Variants in CCNY observed in about 807,000 individuals in gnomAD.
The protein encoded by CCNY is cyclin-Y.
A neutral mutation model predicts 42.8 loss-of-function variants in CCNY; 19 were observed. The ratio of observed to expected loss-of-function variants is 0.44; its 90% CI spans 0.31 to 0.65. The LOEUF is 0.65. Ranked by LOEUF, CCNY falls within the 30% of genes least tolerant of loss-of-function variation. The pLI is 0.07. For synonymous variants in CCNY, 165 were observed against 162.7 expected (o/e 1.01, Z -0.11); for missense variants, 370 against 437.3 (o/e 0.85, Z 1.37).
intron 1 of CCNY, among the ~76,000 whole-genome samples, chr10:35,479,997 T>G (rs1028686293): frequency 6.6e-6 from 1 of 151,952 alleles, no homozygotes; most frequent in South Asian, 2.1e-4. Flanking sequence ...TTTTCCCCTT[T>G]TTTTTTTTGT....
At chr10:35,552,982 C>T (rs1179213389) in intron 7 of CCNY, 37 bp from the exon 8 acceptor site, 1 of 1,595,316 alleles carries the variant, frequency 6.3e-7, no homozygotes, top group Admixed American at 1.7e-5. Context: ...TAGGAGAAAA[C>T]AAATCACTTA....
intron 1 of CCNY, among the ~76,000 whole-genome samples, chr10:35,408,027 G>A (rs983021162): frequency 6.6e-6 from 1 of 152,188 alleles, no homozygotes; most frequent in Non-Finnish European, 1.5e-5. Flanking sequence ...GTCTCCACCA[G>A]AAAATGAAAG....
intron 3 of CCNY, among the ~76,000 whole-genome samples, chr10:35,309,926 G>A (rs1031663227): frequency 5.3e-5 from 8 of 151,548 alleles, no homozygotes; most frequent in East Asian, 1.9e-4. Flanking sequence ...TCAGCCTTCC[G>A]AGTAGCTGGG....
intron 1 of CCNY, among the ~76,000 whole-genome samples, chr10:35,358,705 G>C (rs1409364113): frequency 6.6e-6 from 1 of 152,214 alleles, no homozygotes; most frequent in Non-Finnish European, 1.5e-5. Context: ...GAGAAAAGAA[G>C]AAGAAGGCAA....
intron 7 of CCNY, among the ~76,000 whole-genome samples, chr10:35,541,112 G>A (rs988816700): frequency 6.8e-6 from 1 of 147,670 alleles, no homozygotes; most frequent in African/African-American, 2.4e-5. Flanking sequence ...ATTGATTTGA[G>A]ATTTTTTTTT....
intron 3 of CCNY, among the ~76,000 whole-genome samples, chr10:35,275,094 C>T (rs921387581): frequency 4.3e-5 from 5 of 116,702 alleles, no homozygotes; most frequent in East Asian, 2.7e-4. Context: ...GATGGAGTCT[C>T]GCTCTGTCAC....
At chr10:35,291,461 T>A (rs776055128) in intron 3 of CCNY, among the ~76,000 whole-genome samples, 4 of 152,110 alleles carry the variant, frequency 2.6e-5, no homozygotes. Context: ...CCTCTGTCAG[T>A]TGTTTGTGCT....
At chr10:35,487,508 A>G (rs1213657810) in intron 2 of CCNY, among the ~76,000 whole-genome samples, 2 of 151,734 alleles carry the variant, frequency 1.3e-5, no homozygotes, top group East Asian at 3.9e-4. Flanking sequence ...CATGCATCCC[A>G]CCTCCCAGCT....
intron 3 of CCNY, among the ~76,000 whole-genome samples, chr10:35,283,087 G>A (rs1169877184): frequency 6.6e-6 from 1 of 152,100 alleles, no homozygotes; most frequent in Non-Finnish European, 1.5e-5. Flanking sequence ...TGAAGGCAGT[G>A]GATTCTCCTT....
chr10:35,254,941 T>C (rs542183583), intron 3 of CCNY, among the ~76,000 whole-genome samples: 15 of 152,148 alleles, frequency 9.9e-5, no homozygotes, highest in South Asian at 2.1e-4. Flanking sequence ...CTTTATTCCA[T>C]TGTGGTCAGA....
At chr10:35,495,873 A>G (rs899633495) in intron 2 of CCNY, among the ~76,000 whole-genome samples, 2 of 152,242 alleles carry the variant, frequency 1.3e-5, no homozygotes, top group Non-Finnish European at 2.9e-5. Flanking sequence ...CAGGGGCTCA[A>G]CAGTTGTTTT....
chr10:35,330,761 T>TA (rs1188624880), intron 3 of CCNY, among the ~76,000 whole-genome samples: 5 of 151,558 alleles, frequency 3.3e-5, no homozygotes, highest in African/African-American at 1.2e-4. Flanking sequence ...CTTTTATTTT[T>TA]TTTTTTTTTT....
At chr10:35,283,636 C>T (rs1347143454) in intron 3 of CCNY, among the ~76,000 whole-genome samples, 1 of 152,134 alleles carries the variant, frequency 6.6e-6, no homozygotes, top group Non-Finnish European at 1.5e-5. Context: ...ATCTGCTGAC[C>T]TTGTGATCCA....
At chr10:35,296,017 A>G (rs1371840604) in intron 3 of CCNY, among the ~76,000 whole-genome samples, 3 of 152,216 alleles carry the variant, frequency 2.0e-5, no homozygotes. Context: ...CCAGGGACAT[A>G]GCTAAGGCAG....
intron 3 of CCNY, among the ~76,000 whole-genome samples, chr10:35,509,728 C>A (rs974887230): frequency 3.9e-5 from 6 of 152,202 alleles, no homozygotes; most frequent in Non-Finnish European, 8.8e-5. Flanking sequence ...CTCTCCCAGC[C>A]GGGTGCCTTC....
At chr10:35,248,408 C>T (rs1409324242) in intron 2 of CCNY, among the ~76,000 whole-genome samples, 5 of 152,084 alleles carry the variant, frequency 3.3e-5, no homozygotes, top group Non-Finnish European at 5.9e-5. Flanking sequence ...CTTTGGGAGG[C>T]CGAGTTGGGC....
chr10:35,530,085 A>G lies in CCNY; in HGVS notation c.460-39A>G, dbSNP rs755757071. Reference sequence around the variant, plus strand: ...ATTTAATTATTTCTCTTTTGCTCCAATCGGGAGATCAGTCATCTGAAAATA... The same window carrying G: ...ATTTAATTATTTCTCTTTTGCTCCAGTCGGGAGATCAGTCATCTGAAAATA... On this transcript the variant is annotated intron_variant, in intron 6 of 9. Coordinates refer to ENST00000374704, the MANE Select transcript of CCNY (RefSeq NM_145012.6). This position sits in a 1 kb window ranked among gnomAD's most constrained non-coding sequence, Gnocchi z 4.3. 64 of 1,613,982 alleles carry G rather than the reference A, an allele frequency of 4.0e-5. No individual in the cohort carries two copies. Among genetic ancestry groups the G allele is most frequent in the East Asian group, 3.1e-4 (14 of 44,884 alleles).
At chr10:35,372,046 A>G (rs1298438066) in intron 1 of CCNY, among the ~76,000 whole-genome samples, 1 of 152,220 alleles carries the variant, frequency 6.6e-6, no homozygotes, top group Non-Finnish European at 1.5e-5. Flanking sequence ...CTGGGGTGTG[A>G]AAAGGCAGGT....
chr10:35,523,550 G>A (rs895741269), intron 4 of CCNY, among the ~76,000 whole-genome samples: 1 of 152,132 alleles, frequency 6.6e-6, no homozygotes, highest in African/African-American at 2.4e-5. Context: ...AACCTTGAGT[G>A]GAAATTGGCC....
Sources: gnomAD v4.1 joint callset for allele counts (sites outside exome capture counted in the v4.1 genomes callset) on GRCh38, gnomAD v4.1.1 for gene constraint, Gnocchi (gnomAD v3.1) non-coding constraint, MANE v1.5 for transcripts, NCBI Gene and HGNC (gene_info 2026-07-23, HGNC 2026-07-21) for gene names.